Variants in GSE1 observed in about 807,000 individuals in gnomAD.
GSE1 encodes Gse1 coiled-coil protein.
A neutral mutation model predicts 112.6 loss-of-function variants in GSE1; 32 were observed. The observed-to-expected ratio is 0.28, with a 90% CI of 0.21 to 0.38. The LOEUF is 0.38. Among genes scored for constraint, GSE1 ranks in the 10% least tolerant of loss-of-function variants. The pLI is 1.00. For synonymous variants in GSE1, 1,115 were observed against 735.6 expected, an observed-to-expected ratio of 1.52 and a Z score of -8.35; for missense variants, 2,348 against 1,699.2, an observed-to-expected ratio of 1.38 and a Z score of -6.71.
chr16:85,199,927 A>T (rs2074997834), intron 1 of GSE1, among the ~76,000 whole-genome samples: 1 of 152,034 alleles, frequency 6.6e-6, no homozygotes, highest in African/African-American at 2.4e-5. Flanking sequence ...CCACTGTGGG[A>T]TGTGGAGGAC....
chr16:85,442,820 G>A (rs188044153), intron 2 of GSE1, among the ~76,000 whole-genome samples: 85 of 152,308 alleles, frequency 5.6e-4, no homozygotes, highest in African/African-American at 1.9e-3. Flanking sequence ...CATCTCTCAC[G>A]GTTCCAGAGG....
At chr16:85,495,219 G>T (rs2051132278) in intron 2 of GSE1, among the ~76,000 whole-genome samples, 1 of 152,142 alleles carries the variant, frequency 6.6e-6, no homozygotes, top group Non-Finnish European at 1.5e-5. Flanking sequence ...TGAAAATACT[G>T]ACCCCAAGTC....
chr16:85,547,828 G>T (rs1298660061), intron 2 of GSE1, among the ~76,000 whole-genome samples: 1 of 148,042 alleles, frequency 6.8e-6, no homozygotes, highest in Non-Finnish European at 1.5e-5. Flanking sequence ...GTAGTGAGCC[G>T]AGATGACACC....
At chr16:85,625,789 G>A (rs2049027044) in intron 1 of GSE1, among the ~76,000 whole-genome samples, 1 of 152,194 alleles carries the variant, frequency 6.6e-6, no homozygotes, top group Admixed American at 6.5e-5. Context: ...TTGCTTGGGA[G>A]ATGGCTCATT....
At chr16:85,492,327 C>A (rs2051037064) in intron 2 of GSE1, among the ~76,000 whole-genome samples, 1 of 152,146 alleles carries the variant, frequency 6.6e-6, no homozygotes, top group Non-Finnish European at 1.5e-5. Flanking sequence ...CAGATTCTGT[C>A]CCCGCCAGCA....
Position 85,464,462 on chromosome 16 carries a change from G to C in GSE1, c.2464+106819G>C, listed in dbSNP as rs542058148. On this transcript the variant is annotated intron_variant, in intron 2 of 2. Coordinates refer to the GSE1 transcript ENST00000637419. ...GGCTCCCCTCTGCCTGGCTTCCTCT[G>C]ATCGCCCTTCCTCCGGGTGCCCGGC... Among the ~76,000 whole-genome samples the C allele has an allele frequency of 5.9e-5, 9 of 152,340 alleles. No homozygotes were observed. The East Asian group carries it at 1.3e-3, about 23-fold the overall frequency.
At chr16:85,663,230 C>G (rs1240830747) in intron 10 of GSE1, 114 bp from the exon 11 acceptor site, 1 of 1,343,838 alleles carries the variant, frequency 7.4e-7, no homozygotes, top group South Asian at 1.3e-5. Context: ...CTTCTCCCAC[C>G]AGGCGCAGCC....
intron 2 of GSE1, among the ~76,000 whole-genome samples, chr16:85,444,464 C>T (rs1184352378): frequency 2.6e-5 from 4 of 152,150 alleles, no homozygotes; most frequent in Non-Finnish European, 5.9e-5. Context: ...GCGTTGAGAG[C>T]TGCCGAGTCT....
At chr16:85,571,026 A>G (rs2045959975) in intron 1 of GSE1, among the ~76,000 whole-genome samples, 1 of 152,044 alleles carries the variant, frequency 6.6e-6, no homozygotes, top group Non-Finnish European at 1.5e-5. Context: ...AAGGTGGGGG[A>G]GGTGTGAAGA....
intron 1 of GSE1, among the ~76,000 whole-genome samples, chr16:85,326,362 G>T (rs1300085705): frequency 1.3e-5 from 2 of 152,242 alleles, no homozygotes; most frequent in Admixed American, 1.3e-4. Flanking sequence ...GGGGATGATT[G>T]TTGTTGGGTT....
At chr16:85,257,975 C>T (rs1056741851) in intron 1 of GSE1, among the ~76,000 whole-genome samples, 6 of 152,216 alleles carry the variant, frequency 3.9e-5, no homozygotes, top group African/African-American at 1.4e-4. Context: ...TGATTGGGAG[C>T]TCAGGGCCTG....
At chr16:85,513,543 A>C (rs2051817764) in intron 2 of GSE1, among the ~76,000 whole-genome samples, 2 of 151,934 alleles carry the variant, frequency 1.3e-5, no homozygotes, top group South Asian at 4.2e-4. Context: ...GCTGCTCCTC[A>C]ACCTCAAAAC....
intron 1 of GSE1, among the ~76,000 whole-genome samples, chr16:85,175,146 A>T (rs916554608): frequency 6.6e-6 from 1 of 152,224 alleles, no homozygotes; most frequent in Non-Finnish European, 1.5e-5. Context: ...GAAGAAAGAA[A>T]GAAGAGGAGG....
At chr16:85,190,706 T>C (rs531331950) in intron 1 of GSE1, among the ~76,000 whole-genome samples, 2 of 152,374 alleles carry the variant, frequency 1.3e-5, no homozygotes, top group Admixed American at 1.3e-4. Context: ...TTCTGCTTCA[T>C]CAGCCAAGAC....
Position 85,269,737 on chromosome 16 carries a change from C to T in GSE1, c.2284-87726C>T, listed in dbSNP as rs866582606. 3.4e-5 allele frequency among the ~76,000 whole-genome samples: 5 copies of T among 149,188 alleles called. 1 individual carries two copies. The highest frequency in any genetic ancestry group is 4.8e-5 in the African/African-American group (2 of 41,270). ...GTCCCCAAAGAGGAGCTGCACCAGA[C>T]GCCCTTGCACCTGGCACTCTGCAGC... On this transcript the variant is annotated intron_variant, in intron 1 of 2. Transcript: ENST00000637419.
intron 2 of GSE1, among the ~76,000 whole-genome samples, chr16:85,525,060 C>T (rs1451630507): frequency 6.6e-6 from 1 of 152,220 alleles, no homozygotes; most frequent in African/African-American, 2.4e-5. Flanking sequence ...TGCAATCGGC[C>T]CTCGTGGTTG....
Position 85,662,966 on chromosome 16 carries a change from C to A in GSE1, c.2261-15C>A. The A allele has an allele frequency of 6.6e-7, 1 of 1,525,756 alleles. No homozygotes were observed. The highest frequency in any genetic ancestry group is 9.1e-7 in the Non-Finnish European group (1 of 1,101,344). 94.5% of individuals were successfully genotyped at this position (1,525,756 alleles called of 1,614,324 possible). ...AGGCTCTTTGTCTGGCTGAATACAA[C>A]CATTTCTCCATCAGGGTACTACTAC... is the stretch of plus-strand genomic sequence containing the variant. On this transcript the variant is annotated splice_polypyrimidine_tract_variant and intron_variant, in intron 9 of 15. Transcript: ENST00000253458.
At chr16:85,547,360 G>T (rs917185686) in intron 2 of GSE1, among the ~76,000 whole-genome samples, 7 of 152,184 alleles carry the variant, frequency 4.6e-5, no homozygotes, top group African/African-American at 1.7e-4. Flanking sequence ...TCCCTCTGGA[G>T]GCTCCTTCCT....
At chr16:85,194,760 A>G (rs1021038388) in intron 1 of GSE1, among the ~76,000 whole-genome samples, 8 of 152,202 alleles carry the variant, frequency 5.3e-5, no homozygotes, top group African/African-American at 1.7e-4. Context: ...TGTTTCAGGA[A>G]ATGGCTGAAA....
Sources: allele counts gnomAD v4.1 joint callset (sites outside exome capture counted in the v4.1 genomes callset), GRCh38; gene constraint gnomAD v4.1.1; transcripts MANE v1.5; gene names NCBI Gene and HGNC (gene_info 2026-07-23, HGNC 2026-07-21).